Variants in TSPAN13 observed in about 807,000 individuals in gnomAD.
The protein encoded by TSPAN13 is tetraspanin-13.
Under a neutral mutation model 26.9 loss-of-function variants are expected in TSPAN13, and 18 were observed. The ratio of observed to expected loss-of-function variants is 0.67; its 90% CI spans 0.46 to 0.99. The LOEUF (loss-of-function observed/expected upper bound fraction) is 0.99. TSPAN13 is among the 50% of genes least tolerant of loss of function. TSPAN13 has a pLI of 0.00. For synonymous variants in TSPAN13, 116 were observed against 98.4 expected (o/e 1.18, Z -1.06); for missense variants, 201 against 249.6 (o/e 0.81, Z 1.31).
At chr7:16,776,852 T>C (rs1311899044) in intron 2 of TSPAN13, among the ~76,000 whole-genome samples, 190 bp from the exon 3 acceptor site, 1 of 152,224 alleles carries the variant, frequency 6.6e-6, no homozygotes, top group Admixed American at 6.5e-5. Flanking sequence ...TTTTTCTTTA[T>C]AAATTTGATG....
At chr7:16,772,539 T>A (rs1448745764) in intron 1 of TSPAN13, among the ~76,000 whole-genome samples, 2 of 152,000 alleles carry the variant, frequency 1.3e-5, no homozygotes, top group Non-Finnish European at 2.9e-5. Context: ...TCTCTGCCTC[T>A]TTTTTTTATG....
At chr7:16,771,894 G>A (rs1305559869) in intron 1 of TSPAN13, among the ~76,000 whole-genome samples, 1 of 152,108 alleles carries the variant, frequency 6.6e-6, no homozygotes, top group Admixed American at 6.5e-5. Context: ...CTTGACAGAG[G>A]GTTATGTAGA....
chr7:16,783,613 G>T lies in TSPAN13; in HGVS notation c.*122G>T. On this transcript the variant is annotated 3_prime_UTR_variant, in exon 6 of 6. Coordinates refer to ENST00000262067, the MANE Select transcript of TSPAN13 (RefSeq NM_014399.4). ...TATCTGGAAAAGTACCTTATTGATA[G>T]TGGAATTATATATTTTTACTCTATG... 1 of 851,200 alleles carries T rather than the reference G, an allele frequency of 1.2e-6. No homozygotes were observed. The highest frequency in any genetic ancestry group is 1.9e-6 in the Non-Finnish European group (1 of 524,940). The allele number at this position is 851,200 out of a possible 1,614,324, so 52.7% of individuals were successfully genotyped here. A position where few individuals can be genotyped will look rare whatever the true frequency, so the allele number is the denominator to read the frequency against.
In TSPAN13 at chr7:16,783,681, G is replaced by T. The variant is rs1302916627; in HGVS notation, c.*190G>T. The stretch of plus-strand genomic sequence containing the variant: ...TTCTTTCCGTTGCTGAAAAATATTT[G>T]AAACTTGTGGTCTCTGAAGCTCGGT... On this transcript the variant is annotated 3_prime_UTR_variant, in exon 6 of 6. Coordinates refer to ENST00000262067, the MANE Select transcript of TSPAN13 (RefSeq NM_014399.4). 2 of 604,932 alleles carry T rather than the reference G, an allele frequency of 3.3e-6. No individual in the cohort carries two copies. The highest frequency in any genetic ancestry group is 3.7e-5 in the African/African-American group (2 of 54,152). 37.5% of individuals were successfully genotyped at this position (604,932 alleles called of 1,614,324 possible).
At chr7:16,759,429 A>C (rs116081044) in intron 1 of TSPAN13, among the ~76,000 whole-genome samples, 2,830 of 152,170 alleles carry the variant, frequency 0.019, 81 homozygotes, top group African/African-American at 0.064. Flanking sequence ...ACGTGAACTC[A>C]GAGGGAGAAC....
At chr7:16,782,396 C>G (rs865929986) in intron 5 of TSPAN13, among the ~76,000 whole-genome samples, 3 of 152,266 alleles carry the variant, frequency 2.0e-5, no homozygotes, top group Middle Eastern at 3.4e-3. Flanking sequence ...TACAAAGTCA[C>G]ATAAACAAAA....
chr7:16,761,252 T>G (rs1784537965), intron 1 of TSPAN13, among the ~76,000 whole-genome samples: 1 of 152,230 alleles, frequency 6.6e-6, no homozygotes, highest in Non-Finnish European at 1.5e-5. Context: ...AGGCCTTCTG[T>G]GTCATTTGAA....
intron 1 of TSPAN13, among the ~76,000 whole-genome samples, chr7:16,760,317 T>C (rs966723791): frequency 3.9e-5 from 6 of 152,126 alleles, no homozygotes; most frequent in African/African-American, 1.4e-4. Flanking sequence ...TGGATTAGTA[T>C]GGTGGCAACA....
At chr7:16,755,454 G>A (rs924243146) in intron 1 of TSPAN13, among the ~76,000 whole-genome samples, 2 of 151,436 alleles carry the variant, frequency 1.3e-5, no homozygotes. Context: ...TACATGTCAA[G>A]TTTCAGATCA....
intron 1 of TSPAN13, among the ~76,000 whole-genome samples, chr7:16,770,650 C>A (rs1486654082): frequency 6.6e-6 from 1 of 151,798 alleles, no homozygotes; most frequent in Non-Finnish European, 1.5e-5. Flanking sequence ...TTTTCTTAGT[C>A]ATTTTGTGAT....
intron 4 of TSPAN13, 46 bp from the exon 5 acceptor site, chr7:16,778,957 A>G (rs760391846): frequency 2.1e-6 from 3 of 1,432,718 alleles, no homozygotes; most frequent in Non-Finnish European, 9.6e-7. Context: ...TGGGCTTTTT[A>G]TAAATGTATT....
At position 16,754,018 on chromosome 7, in the gene TSPAN13, C is replaced by T. The variant is rs1784452410; in HGVS notation, c.51C>T (p.Asn17=). ...CCAAGAACTGCCTGTGCGCCCTCAACCTGCTTTACACCGTGAGTATCCCCA... is the reference window on the plus strand; with the variant it reads ...CCAAGAACTGCCTGTGCGCCCTCAATCTGCTTTACACCGTGAGTATCCCCA... ...ACSKNCLCAL[N]LLYTLVSLLL... The change falls in exon 1 of 6, where the codon AAC becomes AAT. Residue 17 remains asparagine (N), a synonymous_variant. Transcript: ENST00000262067. 2 of 1,613,812 alleles carry T rather than the reference C, an allele frequency of 1.2e-6. No homozygotes were observed. The highest frequency in any genetic ancestry group is 1.1e-5 in the South Asian group (1 of 91,002).
chr7:16,771,386 C>G (rs1784678228), intron 1 of TSPAN13, among the ~76,000 whole-genome samples: 1 of 152,160 alleles, frequency 6.6e-6, no homozygotes. Context: ...TCCTTGAAAC[C>G]TACAAACACG....
At chr7:16,759,307 C>G (rs976877709) in intron 1 of TSPAN13, among the ~76,000 whole-genome samples, 3 of 152,156 alleles carry the variant, frequency 2.0e-5, no homozygotes, top group African/African-American at 7.2e-5. Context: ...GCATCTACTT[C>G]TGGTGAGGGC....
At chr7:16,758,888 A>G (rs867582419) in intron 1 of TSPAN13, among the ~76,000 whole-genome samples, 2 of 152,128 alleles carry the variant, frequency 1.3e-5, no homozygotes. Context: ...AGTCTAATGT[A>G]AGTTTGAGAT....
At chr7:16,770,299 G>A (rs1379979670) in intron 1 of TSPAN13, among the ~76,000 whole-genome samples, 7 of 151,736 alleles carry the variant, frequency 4.6e-5, no homozygotes, top group African/African-American at 1.7e-4. Context: ...TCTGCCTCTC[G>A]GGTTCAAGTG....
chr7:16,757,895 G>A (rs1020815718), intron 1 of TSPAN13, among the ~76,000 whole-genome samples: 11 of 152,028 alleles, frequency 7.2e-5, no homozygotes, highest in African/African-American at 2.7e-4. Context: ...GTGCAATGGC[G>A]CGATCTTGGC....
At chr7:16,755,476 T>C (rs1350969904) in intron 1 of TSPAN13, among the ~76,000 whole-genome samples, 1 of 151,956 alleles carries the variant, frequency 6.6e-6, no homozygotes, top group African/African-American at 2.4e-5. Flanking sequence ...AATTCATCTG[T>C]ATCACCCTGA....
At chr7:16,765,527 G>A (rs961760919) in intron 1 of TSPAN13, among the ~76,000 whole-genome samples, 6 of 152,168 alleles carry the variant, frequency 3.9e-5, no homozygotes, top group African/African-American at 1.4e-4. Flanking sequence ...TTACTCGGGG[G>A]AGAAATGCCA....
Sources: gnomAD v4.1 joint callset for allele counts (sites outside exome capture counted in the v4.1 genomes callset) on GRCh38, gnomAD v4.1.1 for gene constraint, MANE v1.5 for transcripts, NCBI Gene and HGNC (gene_info 2026-07-23, HGNC 2026-07-21) for gene names.